Variants in EXOC4 observed in about 807,000 individuals in gnomAD.
EXOC4 encodes SEC8-like 1.
Under a neutral mutation model 107.2 loss-of-function variants are expected in EXOC4, and 71 were observed. That is an observed-to-expected ratio of 0.66 (90% CI 0.55 to 0.81). EXOC4 has a LOEUF of 0.81. Among genes scored for constraint, EXOC4 ranks in the 30% least tolerant of loss-of-function variants. The probability of loss-of-function intolerance (pLI) is 0.00; values close to 1 mark genes in which losing one functional copy is unlikely to be tolerated. For synonymous variants in EXOC4, 456 were observed against 441.2 expected (o/e 1.03, Z -0.42); for missense variants, 1,108 against 1,189.6 (o/e 0.93, Z 1.01).
At chr7:133,863,598 T>C (rs778887883) in intron 11 of EXOC4, among the ~76,000 whole-genome samples, 7 of 152,228 alleles carry the variant, frequency 4.6e-5, no homozygotes, top group African/African-American at 7.2e-5. Flanking sequence ...CAGTGTTCTC[T>C]ATCTTGATTT....
intron 11 of EXOC4, among the ~76,000 whole-genome samples, chr7:133,853,743 A>G (rs1053697503): frequency 2.6e-5 from 4 of 152,070 alleles, no homozygotes; most frequent in Non-Finnish European, 4.4e-5. Context: ...CCCCATGCTC[A>G]TGTTTGTATT....
chr7:133,524,757 T>C (rs1409119701), intron 9 of EXOC4, among the ~76,000 whole-genome samples: 2 of 152,152 alleles, frequency 1.3e-5, no homozygotes, highest in Non-Finnish European at 1.5e-5. Flanking sequence ...TGTAGATATG[T>C]GGTGTTATTT....
At chr7:133,718,866 G>A (rs1030839908) in intron 10 of EXOC4, among the ~76,000 whole-genome samples, 5 of 152,172 alleles carry the variant, frequency 3.3e-5, no homozygotes, top group African/African-American at 1.2e-4. Context: ...CACTTTCCCA[G>A]TCTTGTTAGG....
intron 10 of EXOC4, among the ~76,000 whole-genome samples, chr7:133,694,345 T>G (rs1262461655): frequency 6.6e-6 from 1 of 152,054 alleles, no homozygotes; most frequent in African/African-American, 2.4e-5. Flanking sequence ...CCCTGAAATC[T>G]GCATTTTTAA....
chr7:133,906,529 A>G (rs1383162823), intron 12 of EXOC4, among the ~76,000 whole-genome samples: 9 of 152,208 alleles, frequency 5.9e-5, no homozygotes, highest in South Asian at 2.1e-4. Flanking sequence ...AGGAGGGACA[A>G]TGATCAGGAT....
intron 3 of EXOC4, among the ~76,000 whole-genome samples, chr7:133,305,579 A>G (rs1421448295): frequency 6.6e-6 from 1 of 152,212 alleles, no homozygotes; most frequent in Non-Finnish European, 1.5e-5. Flanking sequence ...GAATGATAGT[A>G]TCATTTAAAT....
intron 14 of EXOC4, among the ~76,000 whole-genome samples, chr7:133,953,979 C>T (rs1213755614): frequency 6.6e-6 from 1 of 152,190 alleles, no homozygotes; most frequent in Non-Finnish European, 1.5e-5. Flanking sequence ...CCTGCAGGAA[C>T]CCCAAGGATT....
intron 10 of EXOC4, among the ~76,000 whole-genome samples, chr7:133,759,042 G>T (rs1362671470): frequency 6.6e-6 from 1 of 152,046 alleles, no homozygotes; most frequent in Non-Finnish European, 1.5e-5. Flanking sequence ...TAAATGTGAT[G>T]AATTTTTTTG....
chr7:134,092,938 A>AAAAAAAAAAT, the EXOC4 span, among the ~76,000 whole-genome samples: 2 of 151,072 alleles, frequency 1.3e-5, no homozygotes, highest in African/African-American at 2.4e-5. Context: ...AAAAAAAAAA[A>AAAAAAAAAAT]GGAAACCAAA....
In EXOC4 at chr7:133,784,607, G is replaced by T. The variant is rs1425054754; in HGVS notation, c.1515-32718G>T. ...ATTTCTAAAGAGTCTGTAATTAAAT[G>T]ACATCACTGAGTCTTAAATGCATCT... On this transcript the variant is annotated intron_variant, in intron 10 of 17. Coordinates refer to ENST00000253861, the MANE Select transcript of EXOC4 (RefSeq NM_021807.4). 3.3e-5 allele frequency among the ~76,000 whole-genome samples: 5 copies of T among 152,286 alleles called. No homozygotes were observed. The East Asian group carries it at 9.7e-4, about 29-fold the overall frequency.
intron 9 of EXOC4, among the ~76,000 whole-genome samples, chr7:133,610,832 G>A (rs1421619326): frequency 7.0e-6 from 1 of 143,520 alleles, no homozygotes. Flanking sequence ...TTTTTTTTAA[G>A]ACAGGATCTC....
chr7:133,360,364 G>A (rs1050623026), intron 6 of EXOC4, among the ~76,000 whole-genome samples: 1 of 152,248 alleles, frequency 6.6e-6, no homozygotes, highest in African/African-American at 2.4e-5. Flanking sequence ...GTTGGTATGT[G>A]TGAGGGAAAT....
chr7:133,634,923 G>A (rs1802671796), intron 10 of EXOC4, among the ~76,000 whole-genome samples: 1 of 152,052 alleles, frequency 6.6e-6, no homozygotes, highest in South Asian at 2.1e-4. Flanking sequence ...TATAACTGAT[G>A]CCTTTTTTTC....
intron 9 of EXOC4, among the ~76,000 whole-genome samples, chr7:133,512,434 A>G (rs1395834782): frequency 1.3e-5 from 2 of 152,064 alleles, no homozygotes; most frequent in Admixed American, 1.3e-4. Flanking sequence ...ATCTTAAAAA[A>G]AAAAAAGAAA....
At chr7:133,681,940 G>T (rs997925496) in intron 10 of EXOC4, among the ~76,000 whole-genome samples, 2 of 152,096 alleles carry the variant, frequency 1.3e-5, no homozygotes, top group Non-Finnish European at 2.9e-5. Flanking sequence ...ATCACACTCT[G>T]TAGCCCAGGA....
At chr7:133,664,440 A>G (rs1049806824) in intron 10 of EXOC4, among the ~76,000 whole-genome samples, 8 of 152,132 alleles carry the variant, frequency 5.3e-5, no homozygotes, top group Non-Finnish European at 1.0e-4. Flanking sequence ...GTCTGCGAGT[A>G]CGATTTTTCT....
chr7:134,062,267 T>G (rs1408625429), intron 17 of EXOC4, among the ~76,000 whole-genome samples: 1 of 152,166 alleles, frequency 6.6e-6, no homozygotes, highest in Non-Finnish European at 1.5e-5. Flanking sequence ...TAAAAGAGTG[T>G]GTTAGTTAGA....
At chr7:133,499,653 G>T (rs963461340) in intron 9 of EXOC4, among the ~76,000 whole-genome samples, 3 of 152,112 alleles carry the variant, frequency 2.0e-5, no homozygotes, top group Non-Finnish European at 4.4e-5. Flanking sequence ...GTCATCTCCA[G>T]TGTGGGAGGT....
intron 10 of EXOC4, among the ~76,000 whole-genome samples, chr7:133,717,840 T>C (rs1795029525): frequency 6.6e-6 from 1 of 152,190 alleles, no homozygotes. Flanking sequence ...TTGCCTTAAC[T>C]AAAGATGGTG....
Sources: allele counts gnomAD v4.1 joint callset (sites outside exome capture counted in the v4.1 genomes callset), GRCh38; gene constraint gnomAD v4.1.1; transcripts MANE v1.5; gene names NCBI Gene and HGNC (gene_info 2026-07-23, HGNC 2026-07-21).